Variants in ACAD10 observed in about 807,000 individuals in gnomAD.
The protein encoded by ACAD10 is acyl-CoA dehydrogenase family member 10.
In ACAD10, 112 loss-of-function variants were observed where a neutral mutation model predicts 116.8. The observed-to-expected ratio is 0.96, with a 90% CI of 0.82 to 1.12. The LOEUF (loss-of-function observed/expected upper bound fraction) is 1.12, where lower values mean the gene tolerates loss of function less well. Among genes scored for constraint, ACAD10 ranks in the 50% most tolerant of loss-of-function variants. The pLI is 0.00. For synonymous variants in ACAD10, 486 were observed against 510.6 expected (o/e 0.95, Z 0.65); for missense variants, 1,259 against 1,350.2 (o/e 0.93, Z 1.06).
intron 12 of ACAD10, 37 bp from the exon 13 acceptor site, chr12:111,744,606 G>T: frequency 6.3e-7 from 1 of 1,585,512 alleles, no homozygotes. Flanking sequence ...GATGGGTCGT[G>T]TGGGAGTAAT....
chr12:111,712,582 G>T lies in ACAD10; in HGVS notation c.775G>T (p.Val259Leu). Residue 259 changes from valine (V) to leucine (L), a missense_variant, in exon 6 of 21, where the codon GTG becomes TTG. Coordinates refer to ENST00000313698, the MANE Select transcript of ACAD10 (RefSeq NM_025247.6). ...AGTAGGTGTTCCAAACACTCGGCCT[G>T]TGAAAAAGACGATGGAAATTCCGAA... ...LRVGVPNTRP[V>L]KKTMEIPKDS... 1 of 1,614,154 alleles carries T rather than the reference G, an allele frequency of 6.2e-7. No homozygotes were observed. Among genetic ancestry groups the T allele is most frequent in the East Asian group, 2.2e-5 (1 of 44,884 alleles).
At chr12:111,752,254 G>A (rs1890092253) in intron 18 of ACAD10, among the ~76,000 whole-genome samples, 1 of 151,828 alleles carries the variant, frequency 6.6e-6, no homozygotes, top group South Asian at 2.1e-4. Flanking sequence ...AAAACAGGCT[G>A]TTAGCTTTGA....
At position 111,749,336 on chromosome 12, in the gene ACAD10, G is replaced by A. The variant is rs149500655; in HGVS notation, c.2808G>A (p.Met936Ile). 1,572 of 1,612,596 alleles carry A rather than the reference G, an allele frequency of 9.7e-4. 11 individuals carry two copies. The African/African-American group carries it at 0.017, about 17-fold the overall frequency. ...IGFSERALAL[M>I]KARVKSRLAF... is the part of the protein sequence containing the mutation. The stretch of plus-strand genomic sequence containing the variant: ...TCTCAGAGAGGGCCCTGGCACTCAT[G>A]AAGGCCCGCGTGAGTGCTTTCCCCC... The change falls in exon 18 of 21, where the codon ATG becomes ATA. Residue 936 changes from methionine (M) to isoleucine (I), a missense_variant. Transcript: ENST00000313698.
intron 5 of ACAD10, chr12:111,710,314 C>T (rs1214796008): frequency 2.2e-6 from 1 of 453,934 alleles, no homozygotes; most frequent in Non-Finnish European, 4.4e-6. Flanking sequence ...TGTCGAACTC[C>T]TGGGCTCAAG....
At position 111,723,373 on chromosome 12, in the gene ACAD10, AC is replaced by A. The variant is rs1324084083; in HGVS notation, c.1061+1641del. On this transcript the variant is annotated intron_variant, in intron 8 of 20. Transcript: ENST00000313698. ...GGGCGGCTGTCCAGGCGGGGGGCTG[AC>A]CCCCCCACCTCCCTCCCGGACGGGG... 1.9e-3 allele frequency among the ~76,000 whole-genome samples: 174 copies of A among 92,000 alleles called. 1 individual carries two copies. Among genetic ancestry groups the A allele is most frequent in the African/African-American group, 7.0e-3 (165 of 23,672 alleles). The allele number at this position is 92,000 out of a possible 152,430, so 60.4% of individuals were successfully genotyped here.
chr12:111,737,915 C>T (rs1311218359), intron 12 of ACAD10, among the ~76,000 whole-genome samples: 3 of 151,714 alleles, frequency 2.0e-5, no homozygotes, highest in African/African-American at 4.8e-5. Context: ...TGCAGTGGTG[C>T]GATCTTGGTT....
intron 1 of ACAD10, chr12:111,686,444 C>G (rs1364254585): frequency 6.6e-6 from 1 of 152,658 alleles, no homozygotes; most frequent in Non-Finnish European, 1.5e-5. Context: ...TCTGGCTGGG[C>G]GCGGTGGCTC....
chr12:111,749,407 G>A, intron 18 of ACAD10, 62 bp downstream of exon 18: 1 of 1,557,712 alleles, frequency 6.4e-7, no homozygotes, highest in Non-Finnish European at 8.7e-7. Context: ...TTTGCTGTCG[G>A]ACTTCAATTC....
chr12:111,695,071 T>C (rs617044), intron 2 of ACAD10, among the ~76,000 whole-genome samples: 27,194 of 152,120 alleles, frequency 0.18, 2,528 homozygotes, highest in East Asian at 0.28. Context: ...TCTTGTTCCT[T>C]TCATCCCTGG....
chr12:111,721,157 A>G (rs541190774), intron 7 of ACAD10, among the ~76,000 whole-genome samples: 2 of 152,182 alleles, frequency 1.3e-5, no homozygotes, highest in Non-Finnish European at 2.9e-5. Context: ...ATTTAGGTCT[A>G]CAATTTCACC....
chr12:111,699,914 T>C (rs1888301433), intron 2 of ACAD10, among the ~76,000 whole-genome samples: 1 of 151,828 alleles, frequency 6.6e-6, no homozygotes, highest in Non-Finnish European at 1.5e-5. Context: ...CAAGACCCCA[T>C]CTTAAAAAAC....
chr12:111,723,603 C>G (rs1260683326), intron 8 of ACAD10, among the ~76,000 whole-genome samples: 1 of 142,090 alleles, frequency 7.0e-6, no homozygotes, highest in Non-Finnish European at 1.6e-5. Flanking sequence ...GGCTGACCCC[C>G]CCACCTCCCT....
intron 3 of ACAD10, among the ~76,000 whole-genome samples, 153 bp downstream of exon 3, chr12:111,702,463 G>T (rs972073142): frequency 5.9e-5 from 9 of 152,314 alleles, no homozygotes; most frequent in South Asian, 2.1e-4. Flanking sequence ...AGGCGCAGTG[G>T]CTCATGCCTA....
chr12:111,747,026 G>A (rs1253718237), intron 14 of ACAD10, 23 bp from the exon 15 acceptor site: 2 of 1,558,860 alleles, frequency 1.3e-6, no homozygotes, highest in East Asian at 2.3e-5. Context: ...GACAGTCATG[G>A]TCACGCTCCT....
intron 18 of ACAD10, 131 bp from the exon 19 acceptor site, chr12:111,753,641 G>A: frequency 8.1e-7 from 1 of 1,237,006 alleles, no homozygotes. Flanking sequence ...AAGATGCACA[G>A]TCCTGGTTTC....
intron 17 of ACAD10, chr12:111,748,805 C>A: frequency 1.7e-6 from 1 of 577,550 alleles, no homozygotes; most frequent in Non-Finnish European, 3.0e-6. Flanking sequence ...GACCTCTAGG[C>A]CACAGCCCTG....
At chr12:111,689,358 T>C in intron 1 of ACAD10, among the ~76,000 whole-genome samples, 1 of 152,034 alleles carries the variant, frequency 6.6e-6, no homozygotes, top group Non-Finnish European at 1.5e-5. Context: ...TGTGTTGTTA[T>C]TTTTGTTGGT....
intron 8 of ACAD10, among the ~76,000 whole-genome samples, chr12:111,723,695 C>CG (rs1491474887): frequency 0.011 from 1,485 of 139,876 alleles, 49 homozygotes; most frequent in African/African-American, 0.038. Context: ...CCCCCCCCCC[C>CG]ACCTCCCTCC....
At chr12:111,725,177 T>C (rs1353795416) in intron 8 of ACAD10, among the ~76,000 whole-genome samples, 1 of 152,166 alleles carries the variant, frequency 6.6e-6, no homozygotes, top group Non-Finnish European at 1.5e-5. Flanking sequence ...TGGCTGAACC[T>C]TTTGAAATAA....
Sources: gnomAD v4.1 joint callset for allele counts (sites outside exome capture counted in the v4.1 genomes callset) on GRCh38, gnomAD v4.1.1 for gene constraint, MANE v1.5 for transcripts, NCBI Gene and HGNC (gene_info 2026-07-23, HGNC 2026-07-21) for gene names.